Variants in COL25A1 observed in about 807,000 individuals in gnomAD.
The protein encoded by COL25A1 is collagen type XXV alpha 1 chain, also known as collagen alpha-1(XXV) chain.
A neutral mutation model predicts 128.4 loss-of-function variants in COL25A1; 103 were observed. That is an observed-to-expected ratio of 0.80 (90% CI 0.68 to 0.94). The LOEUF (loss-of-function observed/expected upper bound fraction) is 0.94, where lower values mean the gene tolerates loss of function less well. Ranked by LOEUF, COL25A1 falls within the 40% of genes least tolerant of loss-of-function variation. The pLI, the probability that COL25A1 is intolerant of heterozygous loss-of-function variation, is 0.00. For synonymous variants in COL25A1, 279 were observed against 277.2 expected (o/e 1.01, Z -0.06); for missense variants, 745 against 840.0 (o/e 0.89, Z 1.40).
chr4:109,119,978 A>C (rs1767970961), intron 3 of COL25A1, among the ~76,000 whole-genome samples: 1 of 152,120 alleles, frequency 6.6e-6, no homozygotes, highest in African/African-American at 2.4e-5. Context: ...GGCTGGCTCC[A>C]TATTTAAAAA....
At chr4:108,924,022 G>T (rs1160393460) in intron 11 of COL25A1, among the ~76,000 whole-genome samples, 1 of 152,004 alleles carries the variant, frequency 6.6e-6, no homozygotes, top group East Asian at 1.9e-4. Flanking sequence ...GTAACATACA[G>T]AATCTCAACA....
chr4:109,281,898 T>A (rs188778689), intron 3 of COL25A1, among the ~76,000 whole-genome samples: 28 of 152,344 alleles, frequency 1.8e-4, no homozygotes, highest in African/African-American at 6.5e-4. Flanking sequence ...TAAGCACTTT[T>A]GTTTGTTATA....
intron 26 of COL25A1, 67 bp from the exon 27 acceptor site, chr4:108,848,870 AC>A (rs1235142552): frequency 4.1e-6 from 5 of 1,231,390 alleles, no homozygotes; most frequent in African/African-American, 3.0e-5. Flanking sequence ...ACATAAAAAA[AC>A]GATGCTAGTT....
At chr4:108,930,329 A>G (rs1746579228) in intron 11 of COL25A1, among the ~76,000 whole-genome samples, 1 of 152,096 alleles carries the variant, frequency 6.6e-6, no homozygotes, top group African/African-American at 2.4e-5. Flanking sequence ...TCATCTCTAT[A>G]CATACCCTCC....
intron 26 of COL25A1, among the ~76,000 whole-genome samples, chr4:108,849,557 C>A (rs10028383): frequency 0.04 from 6,032 of 152,166 alleles, 399 homozygotes; most frequent in African/African-American, 0.14. Context: ...GAAAGTTAAT[C>A]GAACAGCAAA....
In COL25A1 at chr4:108,940,631, C is replaced by A. The variant is rs761941625; in HGVS notation, c.580G>T (p.Ala194Ser). 1 of 1,598,632 alleles carries A rather than the reference C, an allele frequency of 6.3e-7. No homozygotes were observed. The highest frequency in any genetic ancestry group is 1.1e-5 in the South Asian group (1 of 88,322). Reference sequence around the variant, plus strand: ...GGGCCAGGGGGTCCTGGAGGCCCTGCCTGTCCTTGGTCACCCTGTGATGGA... The same window carrying A: ...GGGCCAGGGGGTCCTGGAGGCCCTGACTGTCCTTGGTCACCCTGTGATGGA... Reference protein sequence around the residue: ...RRLIKGDQGQAGPPGPPGPPG... With the variant: ...RRLIKGDQGQSGPPGPPGPPG... Residue 194 changes from alanine (A) to serine (S), a missense_variant, in exon 10 of 38, where the codon GCA becomes TCA. Transcript: ENST00000399132.
At chr4:109,081,686 C>T (rs1051513025) in intron 3 of COL25A1, among the ~76,000 whole-genome samples, 2 of 151,986 alleles carry the variant, frequency 1.3e-5, no homozygotes, top group African/African-American at 2.4e-5. Context: ...TGGGCAATCA[C>T]TAATCTATTT....
intron 10 of COL25A1, among the ~76,000 whole-genome samples, chr4:108,938,961 T>C (rs891373915): frequency 6.6e-6 from 1 of 152,234 alleles, no homozygotes; most frequent in Non-Finnish European, 1.5e-5. Flanking sequence ...AACAAGTTAA[T>C]TTGTCCTATG....
chr4:108,819,833 T>A, intron 35 of COL25A1: 1 of 1,231,448 alleles, frequency 8.1e-7, no homozygotes, highest in African/African-American at 1.5e-5. Context: ...GTGCATCTAA[T>A]CCAGGAGCAC....
intron 16 of COL25A1, among the ~76,000 whole-genome samples, chr4:108,893,458 G>A (rs1741761063): frequency 6.6e-6 from 1 of 152,128 alleles, no homozygotes; most frequent in Non-Finnish European, 1.5e-5. Flanking sequence ...TCTTTGGCAG[G>A]TTTACGCTCT....
intron 3 of COL25A1, among the ~76,000 whole-genome samples, chr4:109,071,933 C>A (rs2125983768): frequency 1.3e-5 from 2 of 152,306 alleles, no homozygotes; most frequent in Middle Eastern, 6.8e-3. Flanking sequence ...TTTGACCCAG[C>A]CATCCCATTA....
At chr4:108,873,819 A>T (rs1739103936) in intron 19 of COL25A1, among the ~76,000 whole-genome samples, 1 of 152,164 alleles carries the variant, frequency 6.6e-6, no homozygotes, top group Admixed American at 6.5e-5. Flanking sequence ...GAACGGTGTA[A>T]GATAGAAAAG....
chr4:108,985,785 T>C (rs28666950), intron 6 of COL25A1, among the ~76,000 whole-genome samples: 48,861 of 152,070 alleles, frequency 0.32, 8,938 homozygotes, highest in South Asian at 0.48. Context: ...AGCTATGAAA[T>C]ATATACCCTT....
At chr4:109,224,864 C>T (rs1287875642) in intron 3 of COL25A1, among the ~76,000 whole-genome samples, 2 of 152,130 alleles carry the variant, frequency 1.3e-5, no homozygotes, top group Non-Finnish European at 2.9e-5. Context: ...CGCTTGAACC[C>T]GGGAGGCGGA....
chr4:109,092,445 T>C (rs1271136070), intron 3 of COL25A1, among the ~76,000 whole-genome samples: 1 of 152,148 alleles, frequency 6.6e-6, no homozygotes, highest in African/African-American at 2.4e-5. Flanking sequence ...GCTATGGTCA[T>C]GCCACTGCAT....
chr4:109,068,942 T>G (rs1762689162), intron 3 of COL25A1, among the ~76,000 whole-genome samples: 1 of 152,040 alleles, frequency 6.6e-6, no homozygotes, highest in African/African-American at 2.4e-5. Context: ...ATTAGTCCTA[T>G]GAAAGACATA....
chr4:109,123,604 G>C (rs968221489), intron 3 of COL25A1, among the ~76,000 whole-genome samples: 2 of 152,026 alleles, frequency 1.3e-5, no homozygotes, highest in African/African-American at 4.8e-5. Flanking sequence ...TATGTATGGA[G>C]TAATATGCTT....
chr4:109,052,738 A>G (rs980001412), intron 3 of COL25A1, among the ~76,000 whole-genome samples: 1 of 152,184 alleles, frequency 6.6e-6, no homozygotes, highest in African/African-American at 2.4e-5. Context: ...AGACAAAAAG[A>G]ATAATAAAAA....
chr4:108,891,330 T>C lies in COL25A1; in HGVS notation c.907-1597A>G, dbSNP rs76596507. ...CTCCTGTTGAAAATTAAAATGTAAC[T>C]AAACATAAAAAACAAGAAGACCCTA... On this transcript the variant is annotated intron_variant, in intron 16 of 37. Transcript: ENST00000399132. Among the ~76,000 whole-genome samples the C allele has an allele frequency of 2.8e-3, 419 of 152,252 alleles. 1 individual carries two copies. Among genetic ancestry groups the C allele is most frequent in the Admixed American group, 5.4e-3 (83 of 15,282 alleles).
Sources: allele counts gnomAD v4.1 joint callset (sites outside exome capture counted in the v4.1 genomes callset), GRCh38; gene constraint gnomAD v4.1.1; transcripts MANE v1.5; gene names NCBI Gene and HGNC (gene_info 2026-07-23, HGNC 2026-07-21).